CDKAL1: variants seen among roughly 807,000 people sequenced by gnomAD.
The protein encoded by CDKAL1 is CDKAL1 threonylcarbamoyladenosine tRNA methylthiotransferase, also known as threonylcarbamoyladenosine tRNA methylthiotransferase.
In CDKAL1, 32 loss-of-function variants were observed where a neutral mutation model predicts 68.2. The observed-to-expected ratio is 0.47, with a 90% confidence interval of 0.35 to 0.63. CDKAL1 has a LOEUF of 0.63. CDKAL1 is among the 30% of genes least tolerant of loss of function. CDKAL1 has a pLI of 0.00. For synonymous variants in CDKAL1, 234 were observed against 244.3 expected (o/e 0.96, Z 0.39); for missense variants, 606 against 696.7 (o/e 0.87, Z 1.47).
At chr6:20,640,085 C>T (rs9465851) in intron 4 of CDKAL1, among the ~76,000 whole-genome samples, 104,683 of 152,172 alleles carry the variant, frequency 0.69, 36,329 homozygotes, top group African/African-American at 0.76. Flanking sequence ...ATTTGTGTTA[C>T]GTAAATAAAC....
intron 7 of CDKAL1, among the ~76,000 whole-genome samples, chr6:20,773,635 C>T (rs1222192741): frequency 6.6e-6 from 1 of 151,994 alleles, no homozygotes; most frequent in Non-Finnish European, 1.5e-5. Flanking sequence ...GCAAGCTCCA[C>T]CTTCTGGGTT....
intron 13 of CDKAL1, among the ~76,000 whole-genome samples, chr6:21,117,839 G>A (rs1403837329): frequency 1.3e-5 from 2 of 152,174 alleles, no homozygotes; most frequent in African/African-American, 4.8e-5. Flanking sequence ...ACCTGAGGAA[G>A]CTTCTTCCTA....
chr6:20,764,478 A>G (rs150968618), intron 7 of CDKAL1, among the ~76,000 whole-genome samples: 57 of 152,306 alleles, frequency 3.7e-4, no homozygotes, highest in African/African-American at 1.3e-3. Flanking sequence ...ACTGACCTAA[A>G]TTCCCAGAGT....
rs9460549 is a variant in CDKAL1 at position 20,713,409 on chromosome 6, A to T, written c.372-26110A>T. ...TTTAAAAATGATACCACATCCTAAGAGTACATGATGTAAATCATTCTTAGT... is the reference window on the plus strand; with the variant it reads ...TTTAAAAATGATACCACATCCTAAGTGTACATGATGTAAATCATTCTTAGT... On this transcript the variant is annotated intron_variant, in intron 5 of 15. Transcript: ENST00000274695. Among the ~76,000 whole-genome samples the T allele has an allele frequency of 9.7e-3, 1,481 of 152,332 alleles. 19 individuals carry two copies. Among genetic ancestry groups the T allele is most frequent in the African/African-American group, 0.033 (1,369 of 41,592 alleles).
chr6:21,020,018 A>G (rs1365900514), intron 11 of CDKAL1, among the ~76,000 whole-genome samples: 1 of 152,140 alleles, frequency 6.6e-6, no homozygotes, highest in Non-Finnish European at 1.5e-5. Context: ...GATACTGTTT[A>G]AAAGTCCTAG....
chr6:20,985,992 C>T (rs1356575369), intron 10 of CDKAL1, among the ~76,000 whole-genome samples: 4 of 152,054 alleles, frequency 2.6e-5, no homozygotes, highest in African/African-American at 9.7e-5. Context: ...CCAGGGACAA[C>T]ATTGTTCTAA....
intron 12 of CDKAL1, among the ~76,000 whole-genome samples, chr6:21,097,437 C>T (rs1490986772): frequency 6.6e-6 from 1 of 150,642 alleles, no homozygotes; most frequent in Non-Finnish European, 1.5e-5. Context: ...CACTGCACTT[C>T]AGCCTGGTCG....
At chr6:20,919,111 G>C (rs1229474444) in intron 9 of CDKAL1, among the ~76,000 whole-genome samples, 3 of 152,106 alleles carry the variant, frequency 2.0e-5, no homozygotes, top group Non-Finnish European at 4.4e-5. Flanking sequence ...AGTATTAAAG[G>C]GGACAGAATT....
intron 13 of CDKAL1, among the ~76,000 whole-genome samples, chr6:21,175,157 A>G (rs894775847): frequency 9.2e-5 from 14 of 152,168 alleles, no homozygotes; most frequent in Non-Finnish European, 2.9e-5. Context: ...CATTTATCCA[A>G]TTGGGCATTA....
At chr6:20,797,057 C>T (rs541970657) in intron 8 of CDKAL1, among the ~76,000 whole-genome samples, 149 of 152,230 alleles carry the variant, frequency 9.8e-4, no homozygotes, top group African/African-American at 3.5e-3. Context: ...AACTTTTGCT[C>T]TGTGAATGAA....
intron 4 of CDKAL1, among the ~76,000 whole-genome samples, chr6:20,556,100 G>A (rs905654722): frequency 5.3e-5 from 8 of 151,960 alleles, no homozygotes; most frequent in African/African-American, 1.7e-4. Flanking sequence ...TGCGATCGCT[G>A]TCGCCTGTAA....
intron 13 of CDKAL1, among the ~76,000 whole-genome samples, chr6:21,133,823 T>A (rs1408429579): frequency 6.6e-6 from 1 of 152,192 alleles, no homozygotes; most frequent in African/African-American, 2.4e-5. Flanking sequence ...TTATGAAGAT[T>A]GAAGAATTAA....
intron 13 of CDKAL1, among the ~76,000 whole-genome samples, chr6:21,167,048 T>C (rs540652456): frequency 6.6e-6 from 1 of 152,320 alleles, no homozygotes; most frequent in South Asian, 2.1e-4. Flanking sequence ...CTTCAAATAG[T>C]TGTCATGAGG....
intron 13 of CDKAL1, among the ~76,000 whole-genome samples, chr6:21,118,513 T>C (rs1050262369): frequency 6.6e-6 from 1 of 152,234 alleles, no homozygotes; most frequent in Non-Finnish European, 1.5e-5. Context: ...CAAAGAATAG[T>C]GAGATGAAAG....
At chr6:20,887,946 A>C (rs927175654) in intron 9 of CDKAL1, among the ~76,000 whole-genome samples, 2 of 151,258 alleles carry the variant, frequency 1.3e-5, no homozygotes, top group African/African-American at 4.8e-5. Flanking sequence ...TAATCTTTAA[A>C]AAAAAAATTT....
At chr6:21,125,885 C>G (rs1440499869) in intron 13 of CDKAL1, among the ~76,000 whole-genome samples, 1 of 152,150 alleles carries the variant, frequency 6.6e-6, no homozygotes, top group African/African-American at 2.4e-5. Flanking sequence ...CTGTGCTTCC[C>G]CGACCTCATT....
chr6:21,053,096 T>C (rs1463039266), intron 11 of CDKAL1, among the ~76,000 whole-genome samples: 1 of 152,228 alleles, frequency 6.6e-6, no homozygotes, highest in Non-Finnish European at 1.5e-5. Flanking sequence ...AATGCTTTCA[T>C]TCTGTCAAAA....
intron 13 of CDKAL1, among the ~76,000 whole-genome samples, chr6:21,193,992 G>A (rs188504656): frequency 3.0e-4 from 45 of 152,314 alleles, no homozygotes; most frequent in Admixed American, 2.9e-3. Context: ...AACCCATTTA[G>A]TGAGGGCTTC....
intron 6 of CDKAL1, among the ~76,000 whole-genome samples, chr6:20,753,540 T>G (rs1774024977): frequency 6.6e-6 from 1 of 152,222 alleles, no homozygotes; most frequent in African/African-American, 2.4e-5. Context: ...AGTTGAGTAG[T>G]AGGCTGTACC....
Sources: gnomAD v4.1 joint callset for allele counts (sites outside exome capture counted in the v4.1 genomes callset) on GRCh38, gnomAD v4.1.1 for gene constraint, MANE v1.5 for transcripts, NCBI Gene and HGNC (gene_info 2026-07-23, HGNC 2026-07-21) for gene names.